The following PRKG1 variants were observed in gnomAD, a reference collection of about 807,000 sequenced individuals.
PRKG1 encodes the protein protein kinase cGMP-dependent 1.
A neutral mutation model predicts 88.1 loss-of-function variants in PRKG1; 35 were observed. The observed-to-expected ratio is 0.40, with a 90% CI of 0.30 to 0.53. The LOEUF is 0.53. PRKG1 is among the 20% of genes least tolerant of loss of function. The pLI is 0.59. For synonymous variants in PRKG1, 303 were observed against 292.5 expected, an observed-to-expected ratio of 1.04 and a Z score of -0.37; for missense variants, 540 against 839.8, an observed-to-expected ratio of 0.64 and a Z score of 4.41.
At chr10:51,362,338 T>G (rs1181069954) in intron 2 of PRKG1, among the ~76,000 whole-genome samples, 2 of 151,886 alleles carry the variant, frequency 1.3e-5, no homozygotes, top group Non-Finnish European at 2.9e-5. Context: ...GTGTATGACT[T>G]TTCCAGGAAA....
chr10:51,509,672 T>C (rs1051272095), intron 3 of PRKG1, among the ~76,000 whole-genome samples: 1 of 152,100 alleles, frequency 6.6e-6, no homozygotes. Flanking sequence ...TAGCCAGCAG[T>C]AATATCTTCT....
At chr10:51,181,531 G>A (rs1439956778) in intron 2 of PRKG1, among the ~76,000 whole-genome samples, 47 of 152,072 alleles carry the variant, frequency 3.1e-4, no homozygotes, top group Admixed American at 2.9e-3. Flanking sequence ...GTGAGCCACC[G>A]CGCCCGGCCT....
intron 5 of PRKG1, among the ~76,000 whole-genome samples, chr10:51,939,192 C>T (rs1397325559): frequency 2.6e-5 from 4 of 151,942 alleles, no homozygotes; most frequent in Non-Finnish European, 5.9e-5. Context: ...CAGAATTGAA[C>T]ATTATTTTGC....
intron 9 of PRKG1, among the ~76,000 whole-genome samples, chr10:52,199,293 A>G (rs1456148691): frequency 6.6e-6 from 1 of 152,132 alleles, no homozygotes; most frequent in East Asian, 1.9e-4. Context: ...AGATGAGTGA[A>G]GATTCTCCTT....
At chr10:52,069,512 T>TG (rs1846440907) in intron 7 of PRKG1, among the ~76,000 whole-genome samples, 2 of 151,818 alleles carry the variant, frequency 1.3e-5, no homozygotes, top group Admixed American at 1.3e-4. Context: ...CCTGTGAGCC[T>TG]GAGTGAGACT....
At chr10:51,837,325 A>G (rs7101062) in intron 4 of PRKG1, among the ~76,000 whole-genome samples, 150,208 of 152,274 alleles carry the variant, frequency 0.99, 74,097 homozygotes, top group East Asian at 1. Context: ...GGCACTTAAA[A>G]AAATTAAATA....
chr10:51,267,549 C>G (rs1309433096), intron 2 of PRKG1, among the ~76,000 whole-genome samples: 1 of 152,072 alleles, frequency 6.6e-6, no homozygotes, highest in Admixed American at 6.6e-5. Flanking sequence ...ACTACAGAAA[C>G]ATAAAGTGGA....
At chr10:52,266,111 G>A (rs184354656) in intron 10 of PRKG1, among the ~76,000 whole-genome samples, 11 of 151,788 alleles carry the variant, frequency 7.2e-5, no homozygotes, top group South Asian at 4.2e-4. Context: ...TCCTATATAC[G>A]CTGAACCCAA....
intron 4 of PRKG1, among the ~76,000 whole-genome samples, chr10:51,806,954 G>A (rs1284956631): frequency 6.6e-6 from 1 of 152,096 alleles, no homozygotes; most frequent in Non-Finnish European, 1.5e-5. Flanking sequence ...ACTAAAAGCT[G>A]CCTTTCCATG....
chr10:51,790,608 C>CTTTAAA (rs2132581992), intron 3 of PRKG1, among the ~76,000 whole-genome samples: 1 of 152,234 alleles, frequency 6.6e-6, no homozygotes, highest in Non-Finnish European at 1.5e-5. Flanking sequence ...CCCCTAGAGT[C>CTTTAAA]TTTAAATTTG....
intron 1 of PRKG1, among the ~76,000 whole-genome samples, chr10:51,087,164 T>C (rs1445337347): frequency 1.3e-5 from 2 of 152,184 alleles, no homozygotes; most frequent in Non-Finnish European, 2.9e-5. Flanking sequence ...TTGCTCAAAT[T>C]AGGCTCACTT....
chr10:52,155,398 CA>C (rs1838063662), intron 8 of PRKG1, among the ~76,000 whole-genome samples: 1 of 151,808 alleles, frequency 6.6e-6, no homozygotes, highest in Non-Finnish European at 1.5e-5. Context: ...ACCAATATTT[CA>C]ACAGTAGAAT....
At chr10:51,192,140 T>TA (rs112798339) in intron 2 of PRKG1, among the ~76,000 whole-genome samples, 79 of 146,860 alleles carry the variant, frequency 5.4e-4, no homozygotes, top group South Asian at 1.7e-3. Context: ...TGTACTTCAT[T>TA]AAAAAAAAAA....
intron 3 of PRKG1, among the ~76,000 whole-genome samples, chr10:51,764,616 G>A (rs970930364): frequency 2.0e-5 from 3 of 152,138 alleles, no homozygotes; most frequent in South Asian, 2.1e-4. Context: ...TAATGTGACC[G>A]TGTGTGCTTT....
chr10:51,292,962 A>G (rs750763818), intron 2 of PRKG1, among the ~76,000 whole-genome samples: 8 of 152,134 alleles, frequency 5.3e-5, no homozygotes, highest in Non-Finnish European at 1.2e-4. Context: ...GCTAAGTTCT[A>G]GGGTACAACT....
intron 3 of PRKG1, among the ~76,000 whole-genome samples, chr10:51,727,283 A>AT (rs1239291329): frequency 0.01 from 1,483 of 145,550 alleles, 22 homozygotes; most frequent in African/African-American, 0.032. Flanking sequence ...GCAAAAAAAA[A>AT]AAATATATAT....
chr10:51,339,655 C>T (rs1016981259), intron 2 of PRKG1, among the ~76,000 whole-genome samples: 5 of 151,632 alleles, frequency 3.3e-5, no homozygotes, highest in Admixed American at 6.6e-5. Context: ...CATATAAGTT[C>T]GTGTAGTATA....
chr10:51,743,071 AG>A, intron 3 of PRKG1, among the ~76,000 whole-genome samples: 1 of 152,194 alleles, frequency 6.6e-6, no homozygotes, highest in Non-Finnish European at 1.5e-5. Flanking sequence ...AGAGAGAGAA[AG>A]GAAGGATACA....
rs149982751 is a variant in PRKG1, at chr10:52,183,538, G to A, written c.1076+21575G>A. On this transcript the variant is annotated intron_variant, in intron 9 of 17. Transcript: ENST00000373980. ...GGTGGCAGGAGTTGGTTTTCCTACC[G>A]TCCAGGGCCAGAGTCATAGCTAATC... 7.6e-3 allele frequency among the ~76,000 whole-genome samples: 1,156 copies of A among 152,310 alleles called. 17 individuals carry two copies. The highest frequency in any genetic ancestry group is 0.026 in the African/African-American group (1,098 of 41,578).
Sources: allele counts gnomAD v4.1 joint callset (sites outside exome capture counted in the v4.1 genomes callset), GRCh38; gene constraint gnomAD v4.1.1; transcripts MANE v1.5; gene names NCBI Gene and HGNC (gene_info 2026-07-23, HGNC 2026-07-21).